The following PCSK2 variants were observed in gnomAD, a reference collection of about 807,000 sequenced individuals.
PCSK2 encodes neuroendocrine convertase 2.
Under a neutral mutation model 69.7 loss-of-function variants are expected in PCSK2, and 14 were observed. The ratio of observed to expected loss-of-function variants is 0.20; its 90% CI spans 0.13 to 0.31. The LOEUF is 0.31. Among genes scored for constraint, PCSK2 ranks in the 10% least tolerant of loss-of-function variants. PCSK2 has a pLI of 1.00. For missense variants in PCSK2, 544 were observed against 842.5 expected (o/e 0.65, Z 4.39); for synonymous variants, 307 against 320.7 (o/e 0.96, Z 0.46).
chr20:17,278,948 G>T (rs949052935), intron 2 of PCSK2, among the ~76,000 whole-genome samples: 1 of 151,622 alleles, frequency 6.6e-6, no homozygotes, highest in African/African-American at 2.4e-5. Flanking sequence ...ATGGTCAAAC[G>T]CATCCCCTAA....
intron 1 of PCSK2, among the ~76,000 whole-genome samples, chr20:17,232,007 C>T (rs1267527132): frequency 1.3e-5 from 2 of 152,142 alleles, no homozygotes; most frequent in African/African-American, 4.8e-5. Flanking sequence ...TCGTTCAAGC[C>T]CACCAGGATT....
At chr20:17,412,789 G>A (rs1188055811) in intron 6 of PCSK2, among the ~76,000 whole-genome samples, 6 of 152,254 alleles carry the variant, frequency 3.9e-5, no homozygotes, top group Admixed American at 6.5e-5. Context: ...GAGAAAGGTC[G>A]GGTTACCCAC....
In PCSK2 at chr20:17,484,031, C is replaced by T. The variant is rs1020415073; in HGVS notation, c.*1961C>T. 1.1e-4 allele frequency: 17 copies of T among 152,530 alleles called. No homozygotes were observed. Among genetic ancestry groups the T allele is most frequent in the Admixed American group, 6.5e-4 (10 of 15,286 alleles). The allele number at this position is 152,530 out of a possible 1,614,324, so 9.4% of individuals were successfully genotyped here. On this transcript the variant is annotated 3_prime_UTR_variant, in exon 12 of 12. Coordinates refer to ENST00000262545, the MANE Select transcript of PCSK2 (RefSeq NM_002594.5). The stretch of plus-strand genomic sequence containing the variant: ...ATTTATTGAAGAAACAGATACCATA[C>T]TCATTTCTAAAAGAATATTCAGAGA...
chr20:17,306,566 T>A (rs1989333873), intron 2 of PCSK2, among the ~76,000 whole-genome samples: 1 of 152,204 alleles, frequency 6.6e-6, no homozygotes, highest in South Asian at 2.1e-4. Flanking sequence ...GGAGTGCTAA[T>A]GAGAAATGGG....
intron 2 of PCSK2, among the ~76,000 whole-genome samples, chr20:17,282,626 A>C (rs1039067042): frequency 6.6e-6 from 1 of 152,002 alleles, no homozygotes; most frequent in African/African-American, 2.4e-5. Flanking sequence ...AAGGAGGCCT[A>C]AAAAACAGCC....
chr20:17,264,076 C>T (rs191266734), intron 2 of PCSK2, among the ~76,000 whole-genome samples: 41 of 152,182 alleles, frequency 2.7e-4, no homozygotes, highest in Admixed American at 1.6e-3. Flanking sequence ...GAAAAGCTTC[C>T]GAAGAGTAGA....
At chr20:17,285,421 A>G (rs1051646181) in intron 2 of PCSK2, among the ~76,000 whole-genome samples, 1 of 152,180 alleles carries the variant, frequency 6.6e-6, no homozygotes, top group African/African-American at 2.4e-5. Context: ...CTGTCTCCCG[A>G]TTTCTCAGAA....
chr20:17,427,782 A>G (rs1212480936), intron 6 of PCSK2, among the ~76,000 whole-genome samples: 1 of 152,068 alleles, frequency 6.6e-6, no homozygotes, highest in African/African-American at 2.4e-5. Context: ...TCACATGTTG[A>G]TGGATTACTG....
chr20:17,372,919 A>G (rs2030814671), intron 5 of PCSK2, among the ~76,000 whole-genome samples: 1 of 152,184 alleles, frequency 6.6e-6, no homozygotes, highest in Non-Finnish European at 1.5e-5. Context: ...TAACACAATG[A>G]GGACAGCAAA....
chr20:17,374,320 C>A (rs116971471), intron 5 of PCSK2, among the ~76,000 whole-genome samples: 1 of 152,136 alleles, frequency 6.6e-6, no homozygotes, highest in Non-Finnish European at 1.5e-5. Context: ...GGATTGCAGG[C>A]TGGGTTCACA....
chr20:17,454,686 T>C (rs1041630341), intron 9 of PCSK2, among the ~76,000 whole-genome samples: 1 of 152,224 alleles, frequency 6.6e-6, no homozygotes, highest in Non-Finnish European at 1.5e-5. Flanking sequence ...ATCAGCCTTT[T>C]CTTACACCTC....
intron 2 of PCSK2, among the ~76,000 whole-genome samples, chr20:17,343,421 T>C (rs1424527173): frequency 6.6e-6 from 1 of 152,194 alleles, no homozygotes; most frequent in Non-Finnish European, 1.5e-5. Context: ...CTGCCAGCCA[T>C]GAAACAGGGC....
intron 2 of PCSK2, among the ~76,000 whole-genome samples, chr20:17,306,349 C>T (rs1312567617): frequency 6.6e-6 from 1 of 152,032 alleles, no homozygotes; most frequent in African/African-American, 2.4e-5. Flanking sequence ...AAAATAAGCC[C>T]TTCGGTGACT....
chr20:17,413,327 A>T (rs1465512190), intron 6 of PCSK2, among the ~76,000 whole-genome samples: 1 of 152,192 alleles, frequency 6.6e-6, no homozygotes. Flanking sequence ...AAATTAAGGG[A>T]TGGAGGAAGA....
chr20:17,286,767 C>T (rs1469870576), intron 2 of PCSK2, among the ~76,000 whole-genome samples: 2 of 152,186 alleles, frequency 1.3e-5, no homozygotes, highest in African/African-American at 2.4e-5. Context: ...TGCCTCCCTC[C>T]ACAGCACCCT....
chr20:17,445,459 C>A (rs764098006), intron 8 of PCSK2, among the ~76,000 whole-genome samples: 1 of 152,188 alleles, frequency 6.6e-6, no homozygotes, highest in Non-Finnish European at 1.5e-5. Context: ...GATGAGACAG[C>A]GCATTGATTG....
At chr20:17,376,314 C>G (rs769690488) in intron 5 of PCSK2, among the ~76,000 whole-genome samples, 2 of 152,230 alleles carry the variant, frequency 1.3e-5, no homozygotes, top group Non-Finnish European at 2.9e-5. Context: ...ACCTAGCTGC[C>G]AGCTGAACTG....
At chr20:17,272,579 T>C (rs1227264376) in intron 2 of PCSK2, among the ~76,000 whole-genome samples, 1 of 152,140 alleles carries the variant, frequency 6.6e-6, no homozygotes, top group Admixed American at 6.6e-5. Flanking sequence ...TTTCTTGTCA[T>C]CTATGATTTT....
At chr20:17,271,202 C>A (rs748435973) in intron 2 of PCSK2, among the ~76,000 whole-genome samples, 8 of 151,554 alleles carry the variant, frequency 5.3e-5, no homozygotes, top group Non-Finnish European at 1.0e-4. Flanking sequence ...AATTTCAAAT[C>A]CTGTACTGTT....
Sources: gnomAD v4.1 joint callset for allele counts (sites outside exome capture counted in the v4.1 genomes callset) on GRCh38, gnomAD v4.1.1 for gene constraint, MANE v1.5 for transcripts, NCBI Gene and HGNC (gene_info 2026-07-23, HGNC 2026-07-21) for gene names.